AUNIP: variants seen among roughly 807,000 people sequenced by gnomAD.
The protein encoded by AUNIP is aurora kinase A and ninein interacting protein, also known as aurora kinase A- and ninein-interacting protein.
A neutral mutation model predicts 12.2 loss-of-function variants in AUNIP; 16 were observed. That is an observed-to-expected ratio of 1.31 (90% CI 0.88 to 1.99). AUNIP has a LOEUF of 1.99. Among genes scored for constraint, AUNIP ranks in the 30% most tolerant of loss-of-function variants. The pLI, the probability that AUNIP is intolerant of heterozygous loss-of-function variation, is 0.00. For missense variants in AUNIP, 411 were observed against 419.1 expected, an observed-to-expected ratio of 0.98 and a Z score of 0.17; for synonymous variants, 142 against 154.8, an observed-to-expected ratio of 0.92 and a Z score of 0.61.
At chr1:25,857,042 G>C (rs1051184131) in intron 1 of AUNIP, among the ~76,000 whole-genome samples, 1 of 152,060 alleles carries the variant, frequency 6.6e-6, no homozygotes, top group African/African-American at 2.4e-5. Context: ...CCTGGAGCCC[G>C]GGGGCGTTGA....
Position 25,834,033 on chromosome 1 carries a change from T to C in AUNIP, c.*960A>G, listed in dbSNP as rs1229941523. ...CTTTGTAAACATTTATTTGGATTCA[T>C]AGTTTTACAAAGGGGATTCCCTCCT... On this transcript the variant is annotated 3_prime_UTR_variant, in exon 3 of 3. Coordinates refer to ENST00000374298, the MANE Select transcript of AUNIP (RefSeq NM_024037.3). The C allele has an allele frequency of 2.2e-5, 22 of 984,930 alleles. No homozygotes were observed. Among genetic ancestry groups the C allele is most frequent in the Non-Finnish European group, 2.7e-5 (22 of 829,580 alleles). 61.0% of individuals were successfully genotyped at this position (984,930 alleles called of 1,614,324 possible). A position where few individuals can be genotyped will look rare whatever the true frequency, so the allele number is the denominator to read the frequency against.
rs981885246 is a variant in AUNIP, at chr1:25,834,008, C to CTT, written c.*983_*984dup. 2.0e-6 allele frequency: 2 copies of CTT among 982,812 alleles called. No individual in the cohort carries two copies. The highest frequency in any genetic ancestry group is 2.4e-6 in the Non-Finnish European group (2 of 827,560). 60.9% of individuals were successfully genotyped at this position (982,812 alleles called of 1,614,324 possible). On this transcript the variant is annotated 3_prime_UTR_variant, in exon 3 of 3. Transcript: ENST00000374298. ...TAATTACCAATTATCACAAGAGCCA[C>CTT]TTTGTAAACATTTATTTGGATTCAT...
intron 2 of AUNIP, 23 bp from the exon 3 acceptor site, chr1:25,835,869 ATAT>A (rs1486349846): frequency 6.2e-7 from 1 of 1,605,978 alleles, no homozygotes; most frequent in Admixed American, 1.7e-5. Flanking sequence ...GAATGAACAA[ATAT>A]TATTCTGCAG....
At chr1:25,850,195 G>T (rs1033501235) in intron 1 of AUNIP, among the ~76,000 whole-genome samples, 1 of 149,518 alleles carries the variant, frequency 6.7e-6, no homozygotes, top group African/African-American at 2.5e-5. Flanking sequence ...GTAACAAATT[G>T]AGACCCTGAT....
At chr1:25,853,913 T>C (rs2048440250) in intron 1 of AUNIP, among the ~76,000 whole-genome samples, 1 of 152,148 alleles carries the variant, frequency 6.6e-6, no homozygotes, top group South Asian at 2.1e-4. Flanking sequence ...CGCAATATTC[T>C]ATTCATTAGA....
intron 1 of AUNIP, among the ~76,000 whole-genome samples, chr1:25,842,432 A>G (rs533773652): frequency 6.6e-6 from 1 of 152,368 alleles, no homozygotes; most frequent in South Asian, 2.1e-4. Context: ...GTTGAAGGAA[A>G]AAAACTGTCC....
At chr1:25,832,168 A>G (rs746299675), downstream of AUNIP, 23 of 1,550,874 alleles carry the variant, frequency 1.5e-5, no homozygotes, top group South Asian at 2.2e-4. Context: ...ACTGAAAGAG[A>G]AGAGCTGGAT....
intron 1 of AUNIP, among the ~76,000 whole-genome samples, chr1:25,854,951 T>TTC: frequency 6.7e-6 from 1 of 148,560 alleles, no homozygotes; most frequent in African/African-American, 2.6e-5. Flanking sequence ...TCAGAATTCT[T>TTC]TCTTTTTTTT....
chr1:25,835,011 A>G lies in AUNIP; in HGVS notation c.1056T>C (p.Val352=). The G allele has an allele frequency of 6.2e-7, 1 of 1,609,178 alleles. No individual in the cohort carries two copies. The highest frequency in any genetic ancestry group is 8.5e-7 in the Non-Finnish European group (1 of 1,177,892). Residue 352 remains valine, a synonymous_variant, in exon 3 of 3, where the codon GTT becomes GTC. Coordinates refer to ENST00000374298, the MANE Select transcript of AUNIP (RefSeq NM_024037.3). ...CAAACATTTAGAATTGGTGTCTGAT[A>G]ACTTGATTACCTTCAGAGTCCTGGG... The part of the protein sequence containing the change: ...LFTQDSEGNQ[V]IRHQF
chr1:25,859,305 G>A lies in AUNIP; in HGVS notation c.53C>T (p.Ala18Val). 3 of 1,574,560 alleles carry A rather than the reference G, an allele frequency of 1.9e-6. No homozygotes were observed. Among genetic ancestry groups the A allele is most frequent in the South Asian group, 1.2e-5 (1 of 85,876 alleles). ...EEACGVWLDA[A>V]ALKRRKVQTH... ...CTGCACTTTCCGCCTCTTCAGCGCC[G>A]CCGCGTCCAGCCACACGCCGCAGGC... Residue 18 changes from alanine (A) to valine (V), a missense_variant, in exon 1 of 3, where the codon GCG (alanine) becomes GTG (valine). Physicochemically the swap from Ala to Val is moderately conservative, Grantham distance 64 (BLOSUM62 0). Transcript: ENST00000374298.
intron 1 of AUNIP, among the ~76,000 whole-genome samples, chr1:25,856,093 G>A (rs1286113633): frequency 1.3e-5 from 2 of 152,154 alleles, no homozygotes; most frequent in African/African-American, 4.8e-5. Context: ...GACCAGGCAC[G>A]GTGGCTCATG....
Position 25,837,416 on chromosome 1 carries a change from G to A in AUNIP, c.217C>T (p.Pro73Ser). 6.2e-7 allele frequency: 1 copy of A among 1,613,188 alleles called. No individual in the cohort carries two copies. ...ATTCCCATATGGGTCACCATACCTG[G>A]CTGCAAGGTGAAGAAGGAAGCAATG... ...RSIASFFTLQ[P>S]GKTNGSDQKS... is the part of the protein sequence containing the mutation. Residue 73 changes from proline to serine, a missense_variant, in exon 2 of 3, where the codon CCA becomes TCA. Pro to Ser is a moderately conservative substitution (Grantham distance 74). Transcript: ENST00000374298.
Position 25,835,186 on chromosome 1 carries a change from C to T in AUNIP, c.881G>A (p.Gly294Asp), listed in dbSNP as rs764073268. The T allele has an allele frequency of 1.3e-5, 21 of 1,614,044 alleles. No homozygotes were observed. The highest frequency in any genetic ancestry group is 5.0e-5 in the Admixed American group (3 of 60,004). The change falls in exon 3 of 3, where the codon GGC (glycine) becomes GAC (aspartate). Residue 294 changes from glycine (G) to aspartate (D), a missense_variant. Transcript: ENST00000374298. Reference protein sequence around the residue: ...WSQLFTEDSQGQRVIAHNTRA... With the variant: ...WSQLFTEDSQDQRVIAHNTRA... ...AGTGTTGTGGGCAATGACCCGCTGG[C>T]CTTGAGAATCTTCAGTGAAAAGTTG...
At position 25,847,076 on chromosome 1, in the gene AUNIP, A is replaced by C. The variant is rs912261151; in HGVS notation, c.79-9522T>G. On this transcript the variant is annotated intron_variant, in intron 1 of 2. Coordinates refer to ENST00000374298, the MANE Select transcript of AUNIP (RefSeq NM_024037.3). The surrounding 1 kb of genome is among the most constrained non-coding windows in gnomAD (Gnocchi z 4.2). Reference sequence around the variant, plus strand: ...CAGCAGCTATATACCTATTCTCCCAATTTCCAAATACTATTTCAAGTCACA... The same window carrying C: ...CAGCAGCTATATACCTATTCTCCCACTTTCCAAATACTATTTCAAGTCACA... 5.3e-5 allele frequency among the ~76,000 whole-genome samples: 8 copies of C among 152,094 alleles called. No individual in the cohort carries two copies. The highest frequency in any genetic ancestry group is 1.2e-4 in the Non-Finnish European group (8 of 68,024).
intron 1 of AUNIP, among the ~76,000 whole-genome samples, chr1:25,851,021 T>C (rs213651): frequency 0.19 from 28,718 of 152,136 alleles, 2,910 homozygotes; most frequent in Non-Finnish European, 0.22. Flanking sequence ...TGGGTTTTCA[T>C]AGATGCCCTT....
chr1:25,833,406 G>C (rs1188891285), downstream of AUNIP, among the ~76,000 whole-genome samples: 2 of 151,998 alleles, frequency 1.3e-5, no homozygotes, highest in Non-Finnish European at 2.9e-5. Flanking sequence ...ATGAGCCACC[G>C]CACTAAGCCC....
intron 1 of AUNIP, among the ~76,000 whole-genome samples, chr1:25,853,462 T>C (rs1020627728): frequency 6.6e-6 from 1 of 151,590 alleles, no homozygotes; most frequent in African/African-American, 2.4e-5. Flanking sequence ...CCAGGTGTGG[T>C]GGTGGGCGCC....
At chr1:25,840,846 C>T (rs1431130267) in intron 1 of AUNIP, among the ~76,000 whole-genome samples, 1 of 151,992 alleles carries the variant, frequency 6.6e-6, no homozygotes, top group East Asian at 1.9e-4. Flanking sequence ...GTTAGTATGC[C>T]AACAAATATT....
chr1:25,852,256 A>G (rs1375964197), intron 1 of AUNIP, among the ~76,000 whole-genome samples: 4 of 151,368 alleles, frequency 2.6e-5, no homozygotes, highest in African/African-American at 9.7e-5. Flanking sequence ...GCTCTCTTTT[A>G]TTCTTGATCA....
Sources: allele counts gnomAD v4.1 joint callset (sites outside exome capture counted in the v4.1 genomes callset), GRCh38; gene constraint gnomAD v4.1.1; non-coding constraint Gnocchi (gnomAD v3.1); transcripts MANE v1.5; gene names NCBI Gene and HGNC (gene_info 2026-07-23, HGNC 2026-07-21).